ERC2: variants seen among roughly 807,000 people sequenced by gnomAD.
The protein encoded by ERC2 is ELKS/RAB6-interacting/CAST family member 2, also known as ERC protein 2.
Under a neutral mutation model 114.8 loss-of-function variants are expected in ERC2, and 42 were observed. The ratio of observed to expected loss-of-function variants is 0.37; its 90% CI spans 0.29 to 0.47. The LOEUF (loss-of-function observed/expected upper bound fraction) is 0.47, where lower values mean the gene tolerates loss of function less well. Among genes scored for constraint, ERC2 ranks in the 20% least tolerant of loss-of-function variants. The probability of loss-of-function intolerance (pLI) is 0.99; values close to 1 mark genes in which losing one functional copy is unlikely to be tolerated. For synonymous variants in ERC2, 454 were observed against 425.5 expected, an observed-to-expected ratio of 1.07 and a Z score of -0.82; for missense variants, 939 against 1,150.7, an observed-to-expected ratio of 0.82 and a Z score of 2.66.
chr3:56,016,114 T>A (rs1208723384), intron 8 of ERC2, among the ~76,000 whole-genome samples: 1 of 152,224 alleles, frequency 6.6e-6, no homozygotes, highest in Non-Finnish European at 1.5e-5. Context: ...TAGACCTTTG[T>A]CAGATGGATA....
intron 2 of ERC2, among the ~76,000 whole-genome samples, chr3:56,405,195 G>A (rs1277917087): frequency 1.3e-5 from 2 of 152,178 alleles, no homozygotes; most frequent in African/African-American, 4.8e-5. Flanking sequence ...TGTAATCCCA[G>A]CACCTTGGGA....
chr3:56,343,192 T>TCTCTCTCTCACACACA (rs1376220124), intron 2 of ERC2, among the ~76,000 whole-genome samples: 1 of 126,210 alleles, frequency 7.9e-6, no homozygotes, highest in African/African-American at 3.0e-5. Flanking sequence ...TCTCTCTCTC[T>TCTCTCTCTCACACACA]CACACACACA....
intron 3 of ERC2, among the ~76,000 whole-genome samples, chr3:56,273,305 A>G (rs983744142): frequency 7.4e-6 from 1 of 135,228 alleles, no homozygotes; most frequent in Non-Finnish European, 1.5e-5. Flanking sequence ...TCCATTGCCC[A>G]GGCCAGAGTA....
chr3:55,835,004 A>C (rs2060804870), intron 14 of ERC2, among the ~76,000 whole-genome samples: 1 of 151,654 alleles, frequency 6.6e-6, no homozygotes, highest in South Asian at 2.1e-4. Context: ...ATCTAGAAGA[A>C]ATGGATAAAT....
intron 3 of ERC2, among the ~76,000 whole-genome samples, chr3:56,203,737 C>T (rs1470329305): frequency 2.0e-5 from 3 of 152,156 alleles, no homozygotes; most frequent in African/African-American, 7.2e-5. Context: ...AATGATGATA[C>T]TATTTACAGT....
chr3:55,596,269 T>C (rs1212730235), intron 17 of ERC2, among the ~76,000 whole-genome samples: 1 of 152,146 alleles, frequency 6.6e-6, no homozygotes, highest in Non-Finnish European at 1.5e-5. Flanking sequence ...TAAATACAAA[T>C]AGCTTAAATT....
At chr3:55,794,521 T>A (rs2070318448) in intron 14 of ERC2, among the ~76,000 whole-genome samples, 1 of 152,226 alleles carries the variant, frequency 6.6e-6, no homozygotes, top group African/African-American at 2.4e-5. Flanking sequence ...AAGTCCTTTT[T>A]GGAAAACAAT....
intron 15 of ERC2, among the ~76,000 whole-genome samples, chr3:55,705,188 G>A (rs911481772): frequency 6.6e-6 from 1 of 152,150 alleles, no homozygotes; most frequent in African/African-American, 2.4e-5. Context: ...GATGTTCAGA[G>A]GCAACAGATC....
At chr3:55,906,985 C>G (rs1029926178) in intron 13 of ERC2, among the ~76,000 whole-genome samples, 3 of 152,170 alleles carry the variant, frequency 2.0e-5, no homozygotes, top group African/African-American at 7.2e-5. Context: ...GATAGGGGTG[C>G]TTGCCTCCCA....
chr3:56,269,772 T>C (rs933837466), intron 3 of ERC2, among the ~76,000 whole-genome samples: 1 of 152,106 alleles, frequency 6.6e-6, no homozygotes, highest in African/African-American at 2.4e-5. Flanking sequence ...CTCAGAACGG[T>C]CTATGTGTTA....
intron 1 of ERC2, among the ~76,000 whole-genome samples, chr3:56,445,223 T>C (rs940046300): frequency 6.6e-6 from 1 of 152,132 alleles, no homozygotes; most frequent in Admixed American, 6.5e-5. Flanking sequence ...TCCACTCCCA[T>C]TATCTTATAT....
intron 7 of ERC2, among the ~76,000 whole-genome samples, chr3:56,030,799 C>T (rs772335560): frequency 1.1e-4 from 16 of 152,070 alleles, no homozygotes; most frequent in East Asian, 1.9e-4. Context: ...TTATACCCTC[C>T]GAATGGAGCA....
intron 6 of ERC2, among the ~76,000 whole-genome samples, chr3:56,117,358 T>C (rs2079295660): frequency 6.6e-6 from 1 of 152,214 alleles, no homozygotes; most frequent in Admixed American, 6.5e-5. Flanking sequence ...TTTCCCCATG[T>C]CAATATGAAT....
intron 14 of ERC2, among the ~76,000 whole-genome samples, chr3:55,834,941 A>G (rs931073720): frequency 1.6e-4 from 24 of 151,070 alleles, no homozygotes; most frequent in African/African-American, 5.9e-4. Flanking sequence ...CCACAGAAAT[A>G]CAAACTACCA....
rs541522167 is a variant in ERC2 at position 56,242,226 on chromosome 3, A to G, written c.1074+53793T>C. 1.1e-4 allele frequency among the ~76,000 whole-genome samples: 17 copies of G among 152,302 alleles called. No homozygotes were observed. In the East Asian group the frequency reaches 3.1e-3, roughly 28 times the overall value. On this transcript the variant is annotated intron_variant, in intron 3 of 17. Coordinates refer to ENST00000288221, the MANE Select transcript of ERC2 (RefSeq NM_015576.3). ...TGAAGTAACTCAGGAATGGAAAACC[A>G]AATACCAAATGTTCTCATTTATAAG...
chr3:56,198,494 G>A (rs1220974322), intron 3 of ERC2, among the ~76,000 whole-genome samples: 1 of 152,170 alleles, frequency 6.6e-6, no homozygotes, highest in Non-Finnish European at 1.5e-5. Flanking sequence ...GCAGATGATA[G>A]GTAGAGAAAG....
intron 2 of ERC2, among the ~76,000 whole-genome samples, chr3:56,297,484 T>C (rs958814751): frequency 1.3e-5 from 2 of 152,216 alleles, no homozygotes; most frequent in African/African-American, 4.8e-5. Context: ...AAAATAGTTA[T>C]CAGATGTGAG....
chr3:56,392,997 C>A (rs964960438), intron 2 of ERC2, among the ~76,000 whole-genome samples: 1 of 152,220 alleles, frequency 6.6e-6, no homozygotes, highest in African/African-American at 2.4e-5. Flanking sequence ...CCACTCAACA[C>A]CTCCTCCCTA....
intron 14 of ERC2, among the ~76,000 whole-genome samples, chr3:55,846,593 A>G (rs1390685334): frequency 2.6e-5 from 4 of 152,038 alleles, no homozygotes; most frequent in African/African-American, 7.2e-5. Flanking sequence ...ACAATGATTG[A>G]ACTAATTTAT....
Sources: allele counts gnomAD v4.1 joint callset (sites outside exome capture counted in the v4.1 genomes callset), GRCh38; gene constraint gnomAD v4.1.1; transcripts MANE v1.5; gene names NCBI Gene and HGNC (gene_info 2026-07-23, HGNC 2026-07-21).